ZFPM2: variants seen among roughly 807,000 people sequenced by gnomAD.
ZFPM2 encodes zinc finger protein, FOG family member 2.
A neutral mutation model predicts 98.6 loss-of-function variants in ZFPM2; 20 were observed. The ratio of observed to expected loss-of-function variants is 0.20; its 90% confidence interval spans 0.14 to 0.29. ZFPM2 has a LOEUF of 0.29. ZFPM2 is among the 10% of genes least tolerant of loss of function. The pLI is 1.00. For missense variants in ZFPM2, 1,310 were observed against 1,388.6 expected (o/e 0.94, Z 0.90); for synonymous variants, 518 against 502.7 (o/e 1.03, Z -0.41).
chr8:105,506,242 C>T (rs1813695802), intron 3 of ZFPM2, among the ~76,000 whole-genome samples: 1 of 152,116 alleles, frequency 6.6e-6, no homozygotes, highest in Non-Finnish European at 1.5e-5. Context: ...AAGGATTATA[C>T]TCAACCTACT....
chr8:105,464,233 C>G (rs1281276530), intron 3 of ZFPM2, among the ~76,000 whole-genome samples: 1 of 151,934 alleles, frequency 6.6e-6, no homozygotes, highest in Non-Finnish European at 1.5e-5. Flanking sequence ...AAAATGTTAC[C>G]AAATCTTTCC....
At position 105,704,575 on chromosome 8, in the gene ZFPM2, C is replaced by T. The variant is rs542494442; in HGVS notation, c.532+70218C>T. Among the ~76,000 whole-genome samples, 208 of 152,184 alleles carry T rather than the reference C, an allele frequency of 1.4e-3. 1 individual carries two copies. The highest frequency in any genetic ancestry group is 4.5e-3 in the African/African-American group (185 of 41,536). On this transcript the variant is annotated intron_variant, in intron 5 of 7. Transcript: ENST00000407775. ...AAGGAATATTATCAAAATATGTGGG[C>T]GATTCAAGCTAGCCAAGTTTAGCTT...
chr8:105,569,466 C>T (rs926117229), intron 4 of ZFPM2, among the ~76,000 whole-genome samples: 1 of 152,120 alleles, frequency 6.6e-6, no homozygotes, highest in Non-Finnish European at 1.5e-5. Context: ...CTATCTTGTA[C>T]CTGTTTTATT....
chr8:105,520,447 T>C (rs997955837), intron 3 of ZFPM2, among the ~76,000 whole-genome samples: 1 of 152,150 alleles, frequency 6.6e-6, no homozygotes, highest in African/African-American at 2.4e-5. Flanking sequence ...ATCTCCACTT[T>C]ATTGCAGAAT....
intron 5 of ZFPM2, among the ~76,000 whole-genome samples, chr8:105,717,415 A>T (rs1811549527): frequency 6.6e-6 from 1 of 151,892 alleles, no homozygotes; most frequent in African/African-American, 2.4e-5. Context: ...ATTTACTAAG[A>T]CTCATCTTGC....
chr8:105,415,898 C>T (rs1046785841), intron 1 of ZFPM2, among the ~76,000 whole-genome samples: 3 of 152,056 alleles, frequency 2.0e-5, no homozygotes, highest in African/African-American at 7.2e-5. Context: ...AAATGACCTT[C>T]CTATGGCCTG....
At chr8:105,435,946 T>C (rs2130166780) in intron 2 of ZFPM2, among the ~76,000 whole-genome samples, 1 of 152,298 alleles carries the variant, frequency 6.6e-6, no homozygotes, top group Middle Eastern at 3.4e-3. Context: ...TTTTCTGAGA[T>C]AAAGTTAGAA....
chr8:105,516,197 A>T (rs1056167785), intron 3 of ZFPM2, among the ~76,000 whole-genome samples: 2 of 152,068 alleles, frequency 1.3e-5, no homozygotes, highest in Non-Finnish European at 2.9e-5. Flanking sequence ...AAGTGCTGGG[A>T]TTGCAGGTGT....
rs577925500 is a variant in ZFPM2 at position 105,328,608 on chromosome 8, A to C, written c.40+9627A>C. On this transcript the variant is annotated intron_variant, in intron 1 of 7. Coordinates refer to ENST00000407775, the MANE Select transcript of ZFPM2 (RefSeq NM_012082.4). Reference sequence around the variant, plus strand: ...AACCTAGATTTGGCAACAGCATTGAAGGTTTAAACATGTTTTTTCCAAGAC... The same window carrying C: ...AACCTAGATTTGGCAACAGCATTGACGGTTTAAACATGTTTTTTCCAAGAC... Among the ~76,000 whole-genome samples the C allele has an allele frequency of 2.0e-5, 3 of 151,978 alleles. No individual in the cohort carries two copies. The East Asian group carries it at 5.8e-4, about 29-fold the overall frequency.
intron 3 of ZFPM2, among the ~76,000 whole-genome samples, chr8:105,472,650 C>T (rs761255858): frequency 5.9e-5 from 9 of 151,982 alleles, no homozygotes; most frequent in Non-Finnish European, 1.2e-4. Context: ...CTACAGGCGC[C>T]CACCATCGCA....
intron 5 of ZFPM2, among the ~76,000 whole-genome samples, chr8:105,657,678 C>T (rs746507306): frequency 5.3e-5 from 8 of 152,120 alleles, no homozygotes; most frequent in Non-Finnish European, 8.8e-5. Flanking sequence ...GCAGTATCTC[C>T]TTGTAGCTAC....
intron 5 of ZFPM2, among the ~76,000 whole-genome samples, chr8:105,752,368 G>A (rs1331670569): frequency 2.6e-5 from 4 of 152,190 alleles, no homozygotes; most frequent in South Asian, 4.2e-4. Flanking sequence ...CAGACTTTCC[G>A]AGACTATGAA....
rs576174207 is a variant in ZFPM2, at chr8:105,570,281, G to A, written c.420+8800G>A. The stretch of plus-strand genomic sequence containing the variant: ...CGTTGGTTTGGTTTCTAGAATTAGG[G>A]TAGGGTTTTTGTTGTTTTATTGATT... On this transcript the variant is annotated intron_variant, in intron 4 of 7. Transcript: ENST00000407775. Among the ~76,000 whole-genome samples, 4 of 152,146 alleles carry A rather than the reference G, an allele frequency of 2.6e-5. No individual in the cohort carries two copies. The East Asian group carries it at 7.7e-4, about 29-fold the overall frequency.
At chr8:105,783,210 G>GTTTTTTTTTTTTT (rs753557703) in intron 5 of ZFPM2, among the ~76,000 whole-genome samples, 97 of 88,868 alleles carry the variant, frequency 1.1e-3, no homozygotes, top group Middle Eastern at 8.9e-3. Flanking sequence ...TTTCTTTATG[G>GTTTTTTTTTTTTT]TTTTTTTTTT....
chr8:105,513,216 C>G (rs1459746867), intron 3 of ZFPM2, among the ~76,000 whole-genome samples: 1 of 152,106 alleles, frequency 6.6e-6, no homozygotes, highest in African/African-American at 2.4e-5. Context: ...TTAGATTGGA[C>G]AGAATTTTCT....
At chr8:105,434,605 T>C (rs1243830927) in intron 2 of ZFPM2, among the ~76,000 whole-genome samples, 1 of 152,210 alleles carries the variant, frequency 6.6e-6, no homozygotes, top group Non-Finnish European at 1.5e-5. Context: ...ATATGTGATA[T>C]CTATTCTCTG....
At chr8:105,641,302 A>G (rs1176280355) in intron 5 of ZFPM2, among the ~76,000 whole-genome samples, 2 of 152,086 alleles carry the variant, frequency 1.3e-5, no homozygotes, top group Admixed American at 6.6e-5. Context: ...TGATGGTGGT[A>G]TAACAGTAAT....
At chr8:105,444,793 G>T (rs1480593390) in intron 3 of ZFPM2, among the ~76,000 whole-genome samples, 1 of 152,070 alleles carries the variant, frequency 6.6e-6, no homozygotes, top group Non-Finnish European at 1.5e-5. Flanking sequence ...ATATTTAGAA[G>T]TTTAGAAAAT....
chr8:105,752,639 T>A (rs1449120527), intron 5 of ZFPM2, among the ~76,000 whole-genome samples: 2 of 152,150 alleles, frequency 1.3e-5, no homozygotes, highest in Non-Finnish European at 2.9e-5. Flanking sequence ...CTTAATCTGT[T>A]TTTAAAATTA....
Sources: allele counts gnomAD v4.1 joint callset (sites outside exome capture counted in the v4.1 genomes callset), GRCh38; gene constraint gnomAD v4.1.1; transcripts MANE v1.5; gene names NCBI Gene and HGNC (gene_info 2026-07-23, HGNC 2026-07-21).